The following FIG4 variants were observed in gnomAD, a reference collection of about 807,000 sequenced individuals.
FIG4 encodes the protein FIG4 phosphoinositide 5-phosphatase, also known as polyphosphoinositide phosphatase.
FIG4 carries 112 observed loss-of-function variants against 118.6 expected under a neutral mutation model. The ratio of observed to expected loss-of-function variants is 0.94; its 90% CI spans 0.81 to 1.11. The LOEUF is 1.11. Ranked by LOEUF, FIG4 falls within the 50% of genes least tolerant of loss-of-function variation. The pLI, the probability that FIG4 is intolerant of heterozygous loss-of-function variation, is 0.00. For missense variants in FIG4, 969 were observed against 1,111.7 expected (o/e 0.87, Z 1.83); for synonymous variants, 369 against 381.2 (o/e 0.97, Z 0.37).
chr6:109,761,462 T>C (rs1383374724), intron 11 of FIG4, among the ~76,000 whole-genome samples: 2 of 152,130 alleles, frequency 1.3e-5, no homozygotes, highest in Non-Finnish European at 2.9e-5. Context: ...CTCGGCTCAC[T>C]GCAAACTCCA....
At chr6:109,793,203 A>G (rs1344354485) in intron 21 of FIG4, among the ~76,000 whole-genome samples, 3 of 152,238 alleles carry the variant, frequency 2.0e-5, no homozygotes, top group African/African-American at 2.4e-5. Context: ...TACAAACCAA[A>G]GTACCAGTAC....
intron 17 of FIG4, 155 bp from the exon 18 acceptor site, chr6:109,786,146 AC>A (rs1777948567): frequency 3.2e-6 from 2 of 633,538 alleles, no homozygotes; most frequent in Non-Finnish European, 5.6e-6. Flanking sequence ...CTCCTTTCTA[AC>A]TGTGTAAGTG....
rs575938414 is a variant in FIG4, at chr6:109,800,671, G to A, written c.2546+3820G>A. ...TCCCCCATCACACCCATGACCATCA[G>A]GGCCTGGTTGAGGCCCCATGAGCAT... On this transcript the variant is annotated intron_variant, in intron 22 of 22. Transcript: ENST00000230124. Among the ~76,000 whole-genome samples the A allele has an allele frequency of 4.6e-5, 7 of 152,230 alleles. 1 individual carries two copies. The South Asian group carries it at 1.5e-3, about 32-fold the overall frequency.
In FIG4 at chr6:109,789,575, T is replaced by C; in HGVS notation, c.2097-19T>C. ...ATGGACAGTAATTCATATGTAATTGTGTTTTCACCTTTCTTTAGTGACTTT... is the reference window on the plus strand; with the variant it reads ...ATGGACAGTAATTCATATGTAATTGCGTTTTCACCTTTCTTTAGTGACTTT... On this transcript the variant is annotated intron_variant, in intron 18 of 22. Transcript: ENST00000230124. The C allele has an allele frequency of 6.4e-7, 1 of 1,574,270 alleles. No individual in the cohort carries two copies. Among genetic ancestry groups the C allele is most frequent in the Non-Finnish European group, 8.7e-7 (1 of 1,143,834 alleles).
chr6:109,810,464 G>A (rs1583766422), intron 22 of FIG4, among the ~76,000 whole-genome samples: 1 of 152,144 alleles, frequency 6.6e-6, no homozygotes, highest in African/African-American at 2.4e-5. Flanking sequence ...TTCTGGGATT[G>A]TCTGGTTCAT....
intron 10 of FIG4, among the ~76,000 whole-genome samples, chr6:109,750,714 T>C (rs972493357): frequency 6.6e-6 from 1 of 152,156 alleles, no homozygotes; most frequent in African/African-American, 2.4e-5. Flanking sequence ...TCTGTGGCTC[T>C]AAAGAGGTTG....
At chr6:109,722,346 A>G (rs1371994782) in intron 3 of FIG4, among the ~76,000 whole-genome samples, 1 of 152,142 alleles carries the variant, frequency 6.6e-6, no homozygotes, top group Non-Finnish European at 1.5e-5. Flanking sequence ...TTCTTGAGGC[A>G]TCTTTCCATT....
chr6:109,795,089 T>G, intron 21 of FIG4, among the ~76,000 whole-genome samples: 1 of 141,522 alleles, frequency 7.1e-6, no homozygotes, highest in East Asian at 2.1e-4. Context: ...CTTCATACAC[T>G]TGCCAGTTTT....
intron 1 of FIG4, among the ~76,000 whole-genome samples, chr6:109,707,992 C>CTT (rs548333111): frequency 3.4e-4 from 48 of 141,516 alleles, no homozygotes; most frequent in Non-Finnish European, 5.9e-4. Context: ...TCTCAGTATT[C>CTT]TTTTTTTTTT....
chr6:109,787,988 G>C lies in FIG4; in HGVS notation c.2096+1539G>C, dbSNP rs118120082. Among the ~76,000 whole-genome samples the C allele has an allele frequency of 4.1e-3, 621 of 152,230 alleles. 1 individual carries two copies. Among genetic ancestry groups the C allele is most frequent in the Admixed American group, 8.5e-3 (130 of 15,288 alleles). On this transcript the variant is annotated intron_variant, in intron 18 of 22. Coordinates refer to ENST00000230124, the MANE Select transcript of FIG4 (RefSeq NM_014845.6). ...AAGTTACATGCATTAGCTAGAAACT[G>C]TTCTTCGAATTTTGAATTTTGATTC...
intron 1 of FIG4, among the ~76,000 whole-genome samples, chr6:109,711,665 A>G (rs1775267460): frequency 6.6e-6 from 1 of 151,954 alleles, no homozygotes; most frequent in South Asian, 2.1e-4. Context: ...GTTTCATTGC[A>G]TGTAAGATGG....
At chr6:109,767,541 A>T (rs1777316036) in intron 15 of FIG4, among the ~76,000 whole-genome samples, 1 of 152,182 alleles carries the variant, frequency 6.6e-6, no homozygotes, top group Admixed American at 6.6e-5. Context: ...CAGATTAAGG[A>T]TAGAAAAGTT....
intron 16 of FIG4, among the ~76,000 whole-genome samples, chr6:109,780,579 C>A (rs1024008431): frequency 3.9e-5 from 6 of 151,952 alleles, no homozygotes; most frequent in Admixed American, 3.3e-4. Context: ...TACGGGATGC[C>A]CATAAAGTCT....
intron 16 of FIG4, among the ~76,000 whole-genome samples, chr6:109,777,531 C>G (rs1351816447): frequency 4.6e-5 from 7 of 152,162 alleles, no homozygotes; most frequent in South Asian, 2.1e-4. Flanking sequence ...CTCTAAGATG[C>G]AGAGAGTCAG....
intron 10 of FIG4, among the ~76,000 whole-genome samples, chr6:109,753,382 C>T (rs1410900480): frequency 6.6e-6 from 1 of 151,820 alleles, no homozygotes; most frequent in Non-Finnish European, 1.5e-5. Flanking sequence ...AGCGTGATGC[C>T]TCCAGCTTTG....
intron 16 of FIG4, among the ~76,000 whole-genome samples, chr6:109,782,472 G>A (rs1011734397): frequency 6.6e-6 from 1 of 152,106 alleles, no homozygotes; most frequent in Admixed American, 6.5e-5. Flanking sequence ...AAAGTTTATG[G>A]CCTGGTCTTA....
At chr6:109,812,306 T>C (rs1453421136) in intron 22 of FIG4, among the ~76,000 whole-genome samples, 1 of 152,104 alleles carries the variant, frequency 6.6e-6, no homozygotes, top group Non-Finnish European at 1.5e-5. Flanking sequence ...AGCTGAAGCC[T>C]GGGTCAAAGG....
chr6:109,731,828 G>A (rs560814326), intron 4 of FIG4, among the ~76,000 whole-genome samples: 2 of 152,166 alleles, frequency 1.3e-5, no homozygotes, highest in Non-Finnish European at 1.5e-5. Context: ...ACTGTATATA[G>A]TGAAGACCAA....
chr6:109,715,212 T>C lies in FIG4; in HGVS notation c.165+36T>C, dbSNP rs774272007. The C allele has an allele frequency of 2.9e-6, 3 of 1,035,380 alleles. No individual in the cohort carries two copies. In the African/African-American group the frequency reaches 4.7e-5, roughly 16 times the overall value. 64.1% of individuals were successfully genotyped at this position (1,035,380 alleles called of 1,614,324 possible). A position where few individuals can be genotyped will look rare whatever the true frequency, so the allele number is the denominator to read the frequency against. Reference sequence around the variant, plus strand: ...TCCAAACCTGACTGCAAAAAAACTTTCATACCTGTTGTTTAAAGGACATGA... The same window carrying C: ...TCCAAACCTGACTGCAAAAAAACTTCCATACCTGTTGTTTAAAGGACATGA... On this transcript the variant is annotated intron_variant, in intron 2 of 22. Transcript: ENST00000230124.
Sources: gnomAD v4.1 joint callset for allele counts (sites outside exome capture counted in the v4.1 genomes callset) on GRCh38, gnomAD v4.1.1 for gene constraint, MANE v1.5 for transcripts, NCBI Gene and HGNC (gene_info 2026-07-23, HGNC 2026-07-21) for gene names.